Variants in MAPK10 observed in about 807,000 individuals in gnomAD.
MAPK10 encodes JNK3 alpha protein kinase.
In MAPK10, 25 loss-of-function variants were observed where a neutral mutation model predicts 59.3. That is an observed-to-expected ratio of 0.42 (90% CI 0.31 to 0.59). MAPK10 has a LOEUF of 0.59. Ranked by LOEUF, MAPK10 falls within the 20% of genes least tolerant of loss-of-function variation. MAPK10 has a pLI of 0.15. For synonymous variants in MAPK10, 190 were observed against 200.5 expected (o/e 0.95, Z 0.44); for missense variants, 351 against 568.9 (o/e 0.62, Z 3.90).
At chr4:86,324,255 T>C (rs2095970040) in intron 2 of MAPK10, among the ~76,000 whole-genome samples, 1 of 151,536 alleles carries the variant, frequency 6.6e-6, no homozygotes, top group Admixed American at 6.6e-5. Flanking sequence ...AAAATGAAAA[T>C]ACAAAATTAG....
intron 2 of MAPK10, among the ~76,000 whole-genome samples, chr4:86,233,685 G>A (rs767760145): frequency 6.6e-6 from 1 of 152,158 alleles, no homozygotes; most frequent in Non-Finnish European, 1.5e-5. Flanking sequence ...ATACCACCTA[G>A]GACAGCAGAC....
intron 1 of MAPK10, among the ~76,000 whole-genome samples, chr4:86,458,554 TG>T (rs1402678277): frequency 6.6e-6 from 1 of 152,182 alleles, no homozygotes; most frequent in African/African-American, 2.4e-5. Context: ...AGCATGGTGC[TG>T]GTATAAATAT....
intron 9 of MAPK10, among the ~76,000 whole-genome samples, chr4:86,085,480 A>G (rs1446195599): frequency 6.6e-6 from 1 of 152,210 alleles, no homozygotes; most frequent in Admixed American, 6.5e-5. Flanking sequence ...CAAATAACAA[A>G]CAGGCATATG....
At chr4:86,068,018 G>A in intron 9 of MAPK10, 63 bp from the exon 10 acceptor site, 2 of 1,103,306 alleles carry the variant, frequency 1.8e-6, no homozygotes, top group Non-Finnish European at 2.6e-6. Context: ...ACAATTGGGA[G>A]ACTAACTCTT....
intron 3 of MAPK10, among the ~76,000 whole-genome samples, chr4:86,186,843 C>T (rs1486960270): frequency 1.3e-5 from 2 of 152,108 alleles, no homozygotes; most frequent in Non-Finnish European, 2.9e-5. Context: ...AGGGAGCCTT[C>T]TCCTTAAAGA....
intron 1 of MAPK10, among the ~76,000 whole-genome samples, chr4:86,375,776 T>C (rs940587968): frequency 1.0e-5 from 1 of 98,792 alleles, no homozygotes; most frequent in African/African-American, 3.9e-5. Flanking sequence ...TTCTAATAAA[T>C]ATAACAGTCA....
At chr4:86,136,733 G>A (rs1296940027) in intron 4 of MAPK10, among the ~76,000 whole-genome samples, 1 of 151,432 alleles carries the variant, frequency 6.6e-6, no homozygotes, top group African/African-American at 2.5e-5. Flanking sequence ...AAAAGACACA[G>A]ACTGGCAAAT....
chr4:86,468,251 CTT>C (rs926212244), intron 1 of MAPK10, among the ~76,000 whole-genome samples: 45 of 152,182 alleles, frequency 3.0e-4, no homozygotes, highest in African/African-American at 1.0e-3. Context: ...AAAGAAAATC[CTT>C]TTTTTGCCTA....
chr4:86,046,936 A>G (rs2042604065), intron 11 of MAPK10, among the ~76,000 whole-genome samples: 1 of 152,144 alleles, frequency 6.6e-6, no homozygotes. Context: ...GATGAGACAG[A>G]TAATAAAAAG....
At chr4:86,186,314 A>T in intron 3 of MAPK10, among the ~76,000 whole-genome samples, 1 of 152,146 alleles carries the variant, frequency 6.6e-6, no homozygotes, top group East Asian at 1.9e-4. Flanking sequence ...TTCTTATTAG[A>T]GAAGTTGTCT....
Position 86,017,170 on chromosome 4 carries a change from T to A in MAPK10, c.*58A>T. On this transcript the variant is annotated 3_prime_UTR_variant, in exon 14 of 14. Transcript: ENST00000641462. The surrounding 1 kb of genome is among the most constrained non-coding windows in gnomAD (Gnocchi z 4.4). ...GTGTGTGTGTGTGTGTCTGCGTGTGTGTGTGTTCCATCACATCATCTCCTG... is the reference window on the plus strand; with the variant it reads ...GTGTGTGTGTGTGTGTCTGCGTGTGAGTGTGTTCCATCACATCATCTCCTG... 1 of 1,578,772 alleles carries A rather than the reference T, an allele frequency of 6.3e-7. No homozygotes were observed. Among genetic ancestry groups the A allele is most frequent in the South Asian group, 1.1e-5 (1 of 87,198 alleles).
intron 1 of MAPK10, among the ~76,000 whole-genome samples, chr4:86,429,267 G>C (rs1747719944): frequency 6.6e-6 from 1 of 152,050 alleles, no homozygotes; most frequent in Admixed American, 6.6e-5. Context: ...TTGGAATATG[G>C]TACATTCGAC....
intron 1 of MAPK10, among the ~76,000 whole-genome samples, chr4:86,568,981 C>T (rs192386477): frequency 6.6e-6 from 1 of 151,964 alleles, no homozygotes; most frequent in Non-Finnish European, 1.5e-5. Context: ...TTCTGCACAG[C>T]AAAACAAACA....
chr4:86,191,581 T>C (rs1383416789), intron 3 of MAPK10: 3 of 109,732 alleles, frequency 2.7e-5, no homozygotes, highest in African/African-American at 1.3e-4. Context: ...TTTTTTTTTT[T>C]TTTTTTTTTT....
chr4:86,310,005 C>T (rs1185234497), intron 2 of MAPK10, among the ~76,000 whole-genome samples: 1 of 152,106 alleles, frequency 6.6e-6, no homozygotes, highest in Admixed American at 6.5e-5. Context: ...CAAAGTTATC[C>T]CTCTGCTCAC....
chr4:86,049,863 T>C (rs1484739874), intron 11 of MAPK10, among the ~76,000 whole-genome samples: 1 of 152,136 alleles, frequency 6.6e-6, no homozygotes, highest in East Asian at 1.9e-4. Flanking sequence ...AAGAATGATC[T>C]ACCTAAAACA....
At chr4:86,150,530 C>T (rs2066145381) in intron 4 of MAPK10, among the ~76,000 whole-genome samples, 1 of 152,140 alleles carries the variant, frequency 6.6e-6, no homozygotes, top group African/African-American at 2.4e-5. Context: ...TGGTTGCCTC[C>T]CCAGAGCATC....
At chr4:86,273,409 A>G (rs1048576927) in intron 2 of MAPK10, among the ~76,000 whole-genome samples, 1 of 151,960 alleles carries the variant, frequency 6.6e-6, no homozygotes, top group African/African-American at 2.4e-5. Flanking sequence ...AATAGTAAAC[A>G]TGTTTCATTT....
intron 1 of MAPK10, among the ~76,000 whole-genome samples, chr4:86,442,291 T>C (rs889601344): frequency 3.9e-5 from 6 of 152,216 alleles, no homozygotes; most frequent in Non-Finnish European, 8.8e-5. Flanking sequence ...TCATAGTAAT[T>C]TTATTTACAT....
Sources: allele counts gnomAD v4.1 joint callset (sites outside exome capture counted in the v4.1 genomes callset), GRCh38; gene constraint gnomAD v4.1.1; non-coding constraint Gnocchi (gnomAD v3.1); transcripts MANE v1.5; gene names NCBI Gene and HGNC (gene_info 2026-07-23, HGNC 2026-07-21).